Variants in MARCHF1 observed in about 807,000 individuals in gnomAD.
The protein encoded by MARCHF1 is membrane associated ring-CH-type finger 1, also known as E3 ubiquitin-protein ligase MARCHF1.
In MARCHF1, 40 loss-of-function variants were observed where a neutral mutation model predicts 54.2. That is an observed-to-expected ratio of 0.74 (90% CI 0.57 to 0.96). The LOEUF (loss-of-function observed/expected upper bound fraction) is 0.96, where lower values mean the gene tolerates loss of function less well. Ranked by LOEUF, MARCHF1 falls within the 40% of genes least tolerant of loss-of-function variation. The pLI is 0.00. For synonymous variants in MARCHF1, 236 were observed against 236.3 expected (o/e 1.00, Z 0.01); for missense variants, 586 against 656.5 (o/e 0.89, Z 1.17).
intron 7 of MARCHF1, among the ~76,000 whole-genome samples, chr4:163,606,454 G>C (rs373299775): frequency 1.1e-4 from 16 of 152,150 alleles, no homozygotes; most frequent in Non-Finnish European, 1.6e-4. Context: ...CATGAAAGTA[G>C]AGAATATATG....
At chr4:163,744,208 G>C (rs185104747) in intron 4 of MARCHF1, among the ~76,000 whole-genome samples, 118 of 152,278 alleles carry the variant, frequency 7.7e-4, no homozygotes, top group Non-Finnish European at 1.5e-4. Context: ...GGACCCACTG[G>C]TTGAATTTTC....
intron 5 of MARCHF1, among the ~76,000 whole-genome samples, chr4:163,676,193 A>G (rs1251954034): frequency 6.8e-6 from 1 of 147,294 alleles, no homozygotes; most frequent in African/African-American, 2.6e-5. Flanking sequence ...TACAAAAAAA[A>G]AAAAAAAAAA....
intron 3 of MARCHF1, among the ~76,000 whole-genome samples, chr4:163,895,914 A>C (rs1750796458): frequency 6.6e-6 from 1 of 152,122 alleles, no homozygotes; most frequent in Non-Finnish European, 1.5e-5. Flanking sequence ...CCACTGCCCC[A>C]CAATAAACAC....
At chr4:164,377,853 C>T (rs1002706574) in intron 1 of MARCHF1, among the ~76,000 whole-genome samples, 17 of 152,154 alleles carry the variant, frequency 1.1e-4, no homozygotes, top group Non-Finnish European at 1.8e-4. Context: ...TCGTTTTATA[C>T]CACTTCTAAA....
chr4:163,856,736 C>T lies in MARCHF1; in HGVS notation c.-38-2567G>A, dbSNP rs1749775463. Among the ~76,000 whole-genome samples the T allele has an allele frequency of 2.6e-5, 4 of 152,270 alleles. No individual in the cohort carries two copies. The South Asian group carries it at 6.2e-4, about 24-fold the overall frequency. On this transcript the variant is annotated intron_variant, in intron 3 of 9. Coordinates refer to ENST00000514618, the MANE Select transcript of MARCHF1 (RefSeq NM_001394959.1). Reference sequence around the variant, plus strand: ...TTAAATAGCCTCCAAAGGGGCTGGGCACCATGGCTCATGCCTGTAATCCCA... The same window carrying T: ...TTAAATAGCCTCCAAAGGGGCTGGGTACCATGGCTCATGCCTGTAATCCCA...
chr4:164,086,699 A>G (rs1367359014), intron 2 of MARCHF1, among the ~76,000 whole-genome samples: 3 of 152,052 alleles, frequency 2.0e-5, no homozygotes, highest in Admixed American at 1.3e-4. Context: ...CATTTTAAGA[A>G]ATTAATGGAC....
At chr4:164,295,011 C>T (rs76651192) in intron 1 of MARCHF1, among the ~76,000 whole-genome samples, 3,983 of 152,148 alleles carry the variant, frequency 0.026, 101 homozygotes, top group East Asian at 0.13. Context: ...GGTAGATTAA[C>T]AGGAGAAACA....
intron 2 of MARCHF1, among the ~76,000 whole-genome samples, chr4:164,000,858 A>G (rs1341502996): frequency 1.3e-5 from 2 of 151,712 alleles, no homozygotes; most frequent in East Asian, 3.9e-4. Flanking sequence ...AACAATAGAA[A>G]CAATGATTAC....
intron 9 of MARCHF1, chr4:163,529,750 A>AAAT (rs547507360): frequency 3.5e-4 from 53 of 152,232 alleles, no homozygotes; most frequent in African/African-American, 1.0e-3. Flanking sequence ...TTTCTTTTGT[A>AAAT]AATACAGTTT....
At chr4:164,355,923 AAAAC>A (rs1239598109) in intron 1 of MARCHF1, among the ~76,000 whole-genome samples, 4 of 123,848 alleles carry the variant, frequency 3.2e-5, no homozygotes, top group South Asian at 2.6e-4. Context: ...TTACAAGAAA[AAAAC>A]AAACAACCCC....
intron 1 of MARCHF1, among the ~76,000 whole-genome samples, chr4:164,323,773 T>C (rs545693921): frequency 1.4e-4 from 21 of 151,770 alleles, no homozygotes; most frequent in Non-Finnish European, 2.8e-4. Flanking sequence ...ACATCTGAAT[T>C]ACCAAGCTGG....
intron 1 of MARCHF1, among the ~76,000 whole-genome samples, chr4:164,174,925 A>G (rs1324601847): frequency 6.6e-6 from 1 of 152,124 alleles, no homozygotes; most frequent in Non-Finnish European, 1.5e-5. Context: ...TTTTTCATAA[A>G]AATTGGCTAT....
intron 1 of MARCHF1, among the ~76,000 whole-genome samples, chr4:164,212,251 T>C (rs1006620919): frequency 2.6e-5 from 4 of 152,196 alleles, no homozygotes; most frequent in Non-Finnish European, 2.9e-5. Context: ...CACACATTTC[T>C]CTCATTTAAT....
chr4:163,615,351 C>T lies in MARCHF1; in HGVS notation c.163-1958G>A, dbSNP rs555120813. Among the ~76,000 whole-genome samples the T allele has an allele frequency of 1.3e-4, 20 of 152,142 alleles. 1 individual carries two copies. The East Asian group carries it at 3.7e-3, about 28-fold the overall frequency. On this transcript the variant is annotated intron_variant, in intron 5 of 9. Coordinates refer to ENST00000514618, the MANE Select transcript of MARCHF1 (RefSeq NM_001394959.1). ...GACCTAAAGACACCACCAAAAAACT[C>T]CTGGAACTGATAAACAGATGCAGTA...
chr4:164,312,819 T>C (rs918720877), intron 1 of MARCHF1, among the ~76,000 whole-genome samples: 3 of 152,128 alleles, frequency 2.0e-5, no homozygotes, highest in Non-Finnish European at 4.4e-5. Context: ...AAGAGGAAGA[T>C]GTTTTACACA....
intron 1 of MARCHF1, among the ~76,000 whole-genome samples, chr4:164,238,662 A>C (rs1462395182): frequency 6.6e-6 from 1 of 151,994 alleles, no homozygotes; most frequent in Non-Finnish European, 1.5e-5. Context: ...ATTAACATTG[A>C]ATCCAGAAAA....
At chr4:163,664,497 C>G (rs998752453) in intron 5 of MARCHF1, among the ~76,000 whole-genome samples, 2 of 151,968 alleles carry the variant, frequency 1.3e-5, no homozygotes, top group Non-Finnish European at 2.9e-5. Flanking sequence ...AGGAGATTTC[C>G]CCAACACCCT....
At chr4:164,296,399 G>A (rs1272562273) in intron 1 of MARCHF1, among the ~76,000 whole-genome samples, 1 of 152,100 alleles carries the variant, frequency 6.6e-6, no homozygotes, top group Admixed American at 6.5e-5. Context: ...TGGAGAGCGA[G>A]TCTCGCTCTG....
At chr4:164,082,019 C>A (rs1755111837) in intron 2 of MARCHF1, among the ~76,000 whole-genome samples, 1 of 152,164 alleles carries the variant, frequency 6.6e-6, no homozygotes, top group Non-Finnish European at 1.5e-5. Context: ...GCGTGTAATC[C>A]TGTCTACCTT....
Sources: gnomAD v4.1 joint callset for allele counts (sites outside exome capture counted in the v4.1 genomes callset) on GRCh38, gnomAD v4.1.1 for gene constraint, MANE v1.5 for transcripts, NCBI Gene and HGNC (gene_info 2026-07-23, HGNC 2026-07-21) for gene names.